Variants in PLA2G10 observed in about 807,000 individuals in gnomAD.
PLA2G10 encodes the protein phospholipase A2 group X.
In PLA2G10, 9 loss-of-function variants were observed where a neutral mutation model predicts 7.9. That is an observed-to-expected ratio of 1.14 (90% CI 0.68 to 1.98). PLA2G10 has a LOEUF of 1.98. Among genes scored for constraint, PLA2G10 ranks in the 30% most tolerant of loss-of-function variants. The pLI, the probability that PLA2G10 is intolerant of heterozygous loss-of-function variation, is 0.00. For missense variants in PLA2G10, 53 were observed against 65.4 expected (o/e 0.81, Z 0.66); for synonymous variants, 19 against 27.5 (o/e 0.69, Z 0.97).
intron 3 of PLA2G10, among the ~76,000 whole-genome samples, chr16:14,687,324 TA>T (rs1961111436): frequency 6.6e-6 from 1 of 150,628 alleles, no homozygotes; most frequent in East Asian, 1.9e-4. Flanking sequence ...GTTGGTTAGG[TA>T]AAATTTTTTT....
At chr16:14,680,607 C>T (rs1343333153) in intron 3 of PLA2G10, among the ~76,000 whole-genome samples, 2 of 152,166 alleles carry the variant, frequency 1.3e-5, no homozygotes, top group Non-Finnish European at 2.9e-5. Context: ...AGTGATACTT[C>T]TGTCTTGGCC....
intron 3 of PLA2G10, among the ~76,000 whole-genome samples, chr16:14,682,928 G>A (rs1473987869): frequency 6.6e-6 from 1 of 152,080 alleles, no homozygotes; most frequent in African/African-American, 2.4e-5. Flanking sequence ...AATCAACTGG[G>A]TGTGGTGGCA....
intron 3 of PLA2G10, among the ~76,000 whole-genome samples, chr16:14,687,363 C>T (rs1961113840): frequency 6.7e-6 from 1 of 148,150 alleles, no homozygotes; most frequent in South Asian, 2.1e-4. Context: ...GGGTTTTGCC[C>T]TGTTACACAG....
chr16:14,673,965 C>A (rs547511914), intron 3 of PLA2G10, among the ~76,000 whole-genome samples: 39 of 152,252 alleles, frequency 2.6e-4, no homozygotes, highest in African/African-American at 8.2e-4. Flanking sequence ...GCCAATGATA[C>A]AATCATATAC....
intron 3 of PLA2G10, among the ~76,000 whole-genome samples, chr16:14,680,853 T>A (rs2151851621): frequency 6.6e-6 from 1 of 152,176 alleles, no homozygotes; most frequent in South Asian, 2.1e-4. Flanking sequence ...ACAGTAATAT[T>A]TGTTGACAGA....
At chr16:14,687,735 G>A (rs1023449946) in intron 3 of PLA2G10, among the ~76,000 whole-genome samples, 3 of 151,732 alleles carry the variant, frequency 2.0e-5, no homozygotes, top group South Asian at 2.1e-4. Context: ...CATGCCTCAC[G>A]CCTGTAATCT....
intron 3 of PLA2G10, among the ~76,000 whole-genome samples, chr16:14,683,242 T>G (rs1263623635): frequency 1.3e-5 from 2 of 149,192 alleles, no homozygotes; most frequent in African/African-American, 2.5e-5. Flanking sequence ...TTTTGTTTTT[T>G]TTTTTTTTGA....
chr16:14,673,027 T>TTTTC lies in PLA2G10; in HGVS notation c.356-279_356-278insGAAA, dbSNP rs541335163. On this transcript the variant is annotated intron_variant, in intron 3 of 3. Coordinates refer to ENST00000438167, the MANE Select transcript of PLA2G10 (RefSeq NM_003561.3). Reference sequence around the variant, plus strand: ...TTCTTTTTTCTTTTCTTTTTTTTTTTTTTTTTTTCTGAGATGGGGGCTTGC... The same window carrying TTTTC: ...TTCTTTTTTCTTTTCTTTTTTTTTTTTTTCTTTTTTTTCTGAGATGGGGGCTTGC... 1.0e-3 allele frequency among the ~76,000 whole-genome samples: 156 copies of TTTTC among 149,272 alleles called. 1 individual carries two copies. The highest frequency in any genetic ancestry group is 3.5e-3 in the African/African-American group (142 of 40,756).
chr16:14,683,409 GTATCT>G (rs1161984028), intron 3 of PLA2G10, among the ~76,000 whole-genome samples: 3 of 150,948 alleles, frequency 2.0e-5, no homozygotes, highest in African/African-American at 7.3e-5. Context: ...ATTTTTTTTT[GTATCT>G]TAGTAGAGAT....
intron 3 of PLA2G10, chr16:14,678,886 G>A (rs941053078): frequency 8.8e-5 from 22 of 248,644 alleles, no homozygotes; most frequent in South Asian, 7.0e-4. Context: ...ATCACTCTCC[G>A]ACATCATCCC....
At chr16:14,686,079 G>C (rs1239370960) in intron 3 of PLA2G10, among the ~76,000 whole-genome samples, 2 of 144,870 alleles carry the variant, frequency 1.4e-5, no homozygotes, top group African/African-American at 2.6e-5. Context: ...TACAGCCTCA[G>C]CCTCCCTGGG....
Position 14,672,807 on chromosome 16 carries a change from C to T in PLA2G10, c.356-58G>A, listed in dbSNP as rs1186934281. 1.9e-5 allele frequency: 29 copies of T among 1,553,020 alleles called. No homozygotes were observed. The East Asian group carries it at 2.9e-4, about 16-fold the overall frequency. On this transcript the variant is annotated intron_variant, in intron 3 of 3. Transcript: ENST00000438167. ...GGGACCTGGAGAGACTCAAGGGAAACCAGTAAAGCAAGAGGCAGGACGGGT... is the reference window on the plus strand; with the variant it reads ...GGGACCTGGAGAGACTCAAGGGAAATCAGTAAAGCAAGAGGCAGGACGGGT...
chr16:14,683,621 C>A (rs1567505217), intron 3 of PLA2G10, among the ~76,000 whole-genome samples: 1 of 151,994 alleles, frequency 6.6e-6, no homozygotes, highest in South Asian at 2.1e-4. Context: ...TAACAACATG[C>A]AAAAGAATAA....
intron 3 of PLA2G10, among the ~76,000 whole-genome samples, chr16:14,679,609 G>A (rs925126121): frequency 5.3e-5 from 8 of 150,066 alleles, no homozygotes; most frequent in South Asian, 2.1e-4. Flanking sequence ...GCAGTGAGCC[G>A]AGATCATGCC....
chr16:14,672,637 T>C lies in PLA2G10; in HGVS notation c.468A>G (p.Leu156=), dbSNP rs142440622. 6.2e-6 allele frequency: 10 copies of C among 1,613,990 alleles called. No individual in the cohort carries two copies. In the African/African-American group the frequency reaches 1.3e-4, roughly 22 times the overall value. ...CACACTTGGGCGAGTCCGGCTCACA[T>C]AGGAACTGGGGGTAGAAGAGGTACT... ...NLKYLFYPQF[L]CEPDSPKCD Residue 156 remains leucine (L), a synonymous_variant, in exon 4 of 4, where the codon CTA becomes CTG. Transcript: ENST00000438167.
At position 14,672,702 on chromosome 16, in the gene PLA2G10, C is replaced by T. The variant is rs1567500635; in HGVS notation, c.403G>A (p.Glu135Lys). 6.2e-7 allele frequency: 1 copy of T among 1,614,106 alleles called. No individual in the cohort carries two copies. Among genetic ancestry groups the T allele is most frequent in the Non-Finnish European group, 8.5e-7 (1 of 1,179,974 alleles). ...CQELLCKCDQ[E>K]IANCLAQTEY... is the part of the protein sequence containing the mutation. The stretch of plus-strand genomic sequence containing the variant: ...GTTTGGGCTAAGCAGTTAGCAATCT[C>T]CTGGTCACACTTGCACAACAGTTCT... The change falls in exon 4 of 4, where the codon GAG (glutamate) becomes AAG (lysine). Residue 135 changes from glutamate to lysine, a missense_variant. Coordinates refer to ENST00000438167, the MANE Select transcript of PLA2G10 (RefSeq NM_003561.3).
intron 3 of PLA2G10, among the ~76,000 whole-genome samples, chr16:14,685,366 G>T (rs1179719429): frequency 6.9e-6 from 1 of 145,322 alleles, no homozygotes; most frequent in Non-Finnish European, 1.5e-5. Context: ...GTGAGATTTC[G>T]TGTCAAAAAA....
intron 3 of PLA2G10, among the ~76,000 whole-genome samples, chr16:14,680,543 AC>A (rs1780437517): frequency 6.6e-6 from 1 of 151,978 alleles, no homozygotes; most frequent in African/African-American, 2.4e-5. Context: ...GGCATGCGCT[AC>A]TATGCCAGGG....
intron 3 of PLA2G10, among the ~76,000 whole-genome samples, chr16:14,680,065 C>T (rs1597010665): frequency 6.6e-6 from 1 of 151,526 alleles, no homozygotes; most frequent in African/African-American, 2.4e-5. Flanking sequence ...TCTGTTCACT[C>T]GATGCTGTAT....
Sources: gnomAD v4.1 joint callset for allele counts (sites outside exome capture counted in the v4.1 genomes callset) on GRCh38, gnomAD v4.1.1 for gene constraint, MANE v1.5 for transcripts, NCBI Gene and HGNC (gene_info 2026-07-23, HGNC 2026-07-21) for gene names.